The following PON3 variants were observed in gnomAD, a reference collection of about 807,000 sequenced individuals.
PON3 encodes paraoxonase 3, also known as serum paraoxonase/lactonase 3.
A neutral mutation model predicts 36.3 loss-of-function variants in PON3; 37 were observed. The ratio of observed to expected loss-of-function variants is 1.02; its 90% CI spans 0.78 to 1.34. The LOEUF is 1.34. Among genes scored for constraint, PON3 ranks in the 40% most tolerant of loss-of-function variants. The pLI is 0.00. For synonymous variants in PON3, 155 were observed against 154.8 expected (o/e 1.00, Z -0.01); for missense variants, 415 against 426.5 (o/e 0.97, Z 0.24).
chr7:95,380,790 C>T (rs1323038670), intron 3 of PON3, among the ~76,000 whole-genome samples: 1 of 152,132 alleles, frequency 6.6e-6, no homozygotes, highest in Admixed American at 6.5e-5. Flanking sequence ...AGGATATTAT[C>T]CAGGAGAACT....
At chr7:95,382,938 A>C (rs941011077) in intron 3 of PON3, among the ~76,000 whole-genome samples, 1 of 152,228 alleles carries the variant, frequency 6.6e-6, no homozygotes, top group Non-Finnish European at 1.5e-5. Flanking sequence ...ATGAACATTG[A>C]TGTGAAAATC....
chr7:95,362,169 T>C (rs1271430661), intron 8 of PON3, among the ~76,000 whole-genome samples, 193 bp downstream of exon 8: 1 of 152,162 alleles, frequency 6.6e-6, no homozygotes, highest in Non-Finnish European at 1.5e-5. Flanking sequence ...CAAGAGTTAT[T>C]GAAAAGTTAA....
intron 8 of PON3, among the ~76,000 whole-genome samples, chr7:95,360,342 T>C (rs1467420001): frequency 6.6e-6 from 1 of 152,154 alleles, no homozygotes; most frequent in Non-Finnish European, 1.5e-5. Context: ...TTAGCCAAAT[T>C]CCTCAGGGAT....
At chr7:95,393,462 A>G (rs1809363506) in intron 2 of PON3, among the ~76,000 whole-genome samples, 1 of 152,232 alleles carries the variant, frequency 6.6e-6, no homozygotes, top group Admixed American at 6.5e-5. Flanking sequence ...AGGTGAAAGA[A>G]CATATTCCCA....
chr7:95,373,594 C>T (rs1169186214), intron 3 of PON3, among the ~76,000 whole-genome samples: 1 of 152,186 alleles, frequency 6.6e-6, no homozygotes, highest in Non-Finnish European at 1.5e-5. Context: ...TCAATAGCTA[C>T]ACCCTTTGCT....
intron 3 of PON3, among the ~76,000 whole-genome samples, chr7:95,378,531 GC>G (rs748986586): frequency 6.6e-4 from 101 of 152,170 alleles, no homozygotes; most frequent in Non-Finnish European, 1.2e-3. Flanking sequence ...ACAAAAGGAA[GC>G]CCATTAGACT....
chr7:95,375,910 C>T (rs1227111652), intron 3 of PON3, among the ~76,000 whole-genome samples: 1 of 152,156 alleles, frequency 6.6e-6, no homozygotes, highest in Non-Finnish European at 1.5e-5. Flanking sequence ...CAACAAACTA[C>T]AGGTAAATGT....
intron 3 of PON3, among the ~76,000 whole-genome samples, chr7:95,383,508 C>G (rs1408689739): frequency 6.6e-6 from 1 of 152,212 alleles, no homozygotes; most frequent in Non-Finnish European, 1.5e-5. Flanking sequence ...AGCAAAGTCT[C>G]AGGATACAAA....
intron 2 of PON3, among the ~76,000 whole-genome samples, chr7:95,394,443 G>A (rs1809385376): frequency 6.6e-6 from 1 of 152,146 alleles, no homozygotes; most frequent in Non-Finnish European, 1.5e-5. Flanking sequence ...ATGTCAGTAA[G>A]GAAATGTGCT....
At chr7:95,366,905 G>A (rs999699449) in intron 5 of PON3, among the ~76,000 whole-genome samples, 2 of 152,232 alleles carry the variant, frequency 1.3e-5, no homozygotes, top group Admixed American at 6.5e-5. Context: ...ATTTTTATAA[G>A]TGCCCAAGGA....
intron 4 of PON3, 34 bp from the exon 5 acceptor site, chr7:95,367,522 T>G: frequency 3.7e-6 from 6 of 1,608,048 alleles, no homozygotes; most frequent in Non-Finnish European, 5.1e-6. Flanking sequence ...TCCAAGAAAG[T>G]TACCCCTATC....
chr7:95,364,345 G>A (rs950383804), intron 5 of PON3: 8 of 457,998 alleles, frequency 1.7e-5, no homozygotes, highest in African/African-American at 1.4e-4. Flanking sequence ...CTGTTGACTT[G>A]TAAATGTTGA....
intron 2 of PON3, among the ~76,000 whole-genome samples, chr7:95,392,046 C>A (rs1809330978): frequency 6.6e-6 from 1 of 152,208 alleles, no homozygotes; most frequent in Non-Finnish European, 1.5e-5. Context: ...TCCTAATCTG[C>A]AAAGCATAGA....
chr7:95,381,852 C>A (rs1809062774), intron 3 of PON3, among the ~76,000 whole-genome samples: 1 of 152,146 alleles, frequency 6.6e-6, no homozygotes, highest in Non-Finnish European at 1.5e-5. Context: ...ACCAAGCAGA[C>A]CTAATAGACA....
chr7:95,385,337 G>A (rs1008847329), intron 3 of PON3, among the ~76,000 whole-genome samples: 1 of 151,982 alleles, frequency 6.6e-6, no homozygotes, highest in Non-Finnish European at 1.5e-5. Flanking sequence ...ATGTACCCTA[G>A]AACTTAAAGT....
At chr7:95,387,880 G>A (rs1343189403) in intron 3 of PON3, among the ~76,000 whole-genome samples, 1 of 152,126 alleles carries the variant, frequency 6.6e-6, no homozygotes, top group African/African-American at 2.4e-5. Flanking sequence ...CAAGCAATGG[G>A]AAAATGATTC....
intron 3 of PON3, among the ~76,000 whole-genome samples, chr7:95,374,700 G>A (rs1808877406): frequency 6.6e-6 from 1 of 151,784 alleles, no homozygotes; most frequent in Non-Finnish European, 1.5e-5. Flanking sequence ...CATATAAATG[G>A]TCTCCAAATT....
Position 95,360,122 on chromosome 7 carries a change from T to A in PON3, c.916A>T (p.Ile306Phe), listed in dbSNP as rs201661676. Reference sequence around the variant, plus strand: ...GGCTTCTCAGACAAAACATTCTGGATGCGAAGTACCTGTCGAGAAAAGATC... The same window carrying A: ...GGCTTCTCAGACAAAACATTCTGGAAGCGAAGTACCTGTCGAGAAAAGATC... ...EDPPGSEVLR[I>F]QNVLSEKPRV... is the part of the protein sequence containing the mutation. The change falls in exon 9 of 9, where the codon ATC (isoleucine) becomes TTC (phenylalanine). Residue 306 changes from isoleucine (I) to phenylalanine (F), a missense_variant. Coordinates refer to ENST00000265627, the MANE Select transcript of PON3 (RefSeq NM_000940.3). 1.9e-4 allele frequency: 313 copies of A among 1,613,140 alleles called. No individual in the cohort carries two copies. Among genetic ancestry groups the A allele is most frequent in the Non-Finnish European group, 2.6e-4 (305 of 1,179,236 alleles).
intron 3 of PON3, among the ~76,000 whole-genome samples, chr7:95,382,373 A>G (rs1259038568): frequency 1.3e-5 from 2 of 152,134 alleles, no homozygotes; most frequent in Admixed American, 6.5e-5. Context: ...TGAAGGAGAT[A>G]GAGACACAAA....
Sources: gnomAD v4.1 joint callset for allele counts (sites outside exome capture counted in the v4.1 genomes callset) on GRCh38, gnomAD v4.1.1 for gene constraint, MANE v1.5 for transcripts, NCBI Gene and HGNC (gene_info 2026-07-23, HGNC 2026-07-21) for gene names.